The following PPARA variants were observed in gnomAD, a reference collection of about 807,000 sequenced individuals.
PPARA encodes peroxisome proliferator activated receptor alpha.
In PPARA, 22 loss-of-function variants were observed where a neutral mutation model predicts 42.2. The ratio of observed to expected loss-of-function variants is 0.52; its 90% confidence interval spans 0.37 to 0.74. The LOEUF is 0.74. PPARA is among the 30% of genes least tolerant of loss of function. The pLI, the probability that PPARA is intolerant of heterozygous loss-of-function variation, is 0.00. For synonymous variants in PPARA, 242 were observed against 239.3 expected (o/e 1.01, Z -0.10); for missense variants, 465 against 608.2 (o/e 0.76, Z 2.48).
rs1274981127 is a variant in PPARA at position 46,156,891 on chromosome 22, C to T, written c.-127+4921C>T. 6.6e-6 allele frequency among the ~76,000 whole-genome samples: 1 copy of T among 152,190 alleles called. No individual in the cohort carries two copies. Among genetic ancestry groups the T allele is most frequent in the African/African-American group, 2.4e-5 (1 of 41,444 alleles). The stretch of plus-strand genomic sequence containing the variant: ...TCTTAGGATTACAGGCGTGAGCCAC[C>T]ACACCCGGCCTCCTGTGTGTTTTGA... On this transcript the variant is annotated intron_variant, in intron 2 of 8. Transcript: ENST00000407236. This position sits in a 1 kb window ranked among gnomAD's most constrained non-coding sequence, Gnocchi z 5.2.
intron 6 of PPARA, 98 bp downstream of exon 6, chr22:46,218,499 C>T (rs1159647459): frequency 1.3e-5 from 20 of 1,559,218 alleles, no homozygotes; most frequent in South Asian, 1.1e-4. Flanking sequence ...TGTGCTTCAA[C>T]ATTTCACACC....
rs1229002876 is a variant in PPARA at position 46,239,772 on chromosome 22, T to C, written c.*4392T>C. The stretch of plus-strand genomic sequence containing the variant: ...ACAGATGCACCAAAGCAAGCCCTGA[T>C]GAAACCGCGACTTCCTAAGGTCTGT... On this transcript the variant is annotated 3_prime_UTR_variant, in exon 9 of 9. Transcript: ENST00000407236. The C allele has an allele frequency of 6.3e-6, 1 of 157,860 alleles. No homozygotes were observed. Among genetic ancestry groups the C allele is most frequent in the African/African-American group, 2.4e-5 (1 of 41,226 alleles). 9.8% of individuals were successfully genotyped at this position (157,860 alleles called of 1,614,324 possible).
chr22:46,186,168 CT>C (rs1930775657), intron 3 of PPARA, among the ~76,000 whole-genome samples: 1 of 151,492 alleles, frequency 6.6e-6, no homozygotes, highest in Admixed American at 6.6e-5. Flanking sequence ...GCAGTGTAGA[CT>C]TACATTCATA....
rs1194947621 is a variant in PPARA at position 46,162,197 on chromosome 22, C to T, written c.-127+10227C>T. On this transcript the variant is annotated intron_variant, in intron 2 of 8. Coordinates refer to ENST00000407236, the MANE Select transcript of PPARA (RefSeq NM_005036.6). The surrounding 1 kb of genome is among the most constrained non-coding windows in gnomAD (Gnocchi z 6.0). ...ACAAGAGGGGTGCATGCTAGGGTTT[C>T]TCTGGATTGCTGCACCTGGCAGGTA... 6.6e-6 allele frequency among the ~76,000 whole-genome samples: 1 copy of T among 152,208 alleles called. No individual in the cohort carries two copies. Among genetic ancestry groups the T allele is most frequent in the East Asian group, 1.9e-4 (1 of 5,196 alleles).
intron 1 of PPARA, among the ~76,000 whole-genome samples, chr22:46,151,469 G>T (rs781485239): frequency 6.6e-6 from 1 of 152,256 alleles, no homozygotes; most frequent in Non-Finnish European, 1.5e-5. Flanking sequence ...AGGAGGGTCG[G>T]CCCTGCCCCC....
rs149321973 is a variant in PPARA at position 46,183,592 on chromosome 22, A to G, written c.-43+6756A>G. 8.3e-4 allele frequency among the ~76,000 whole-genome samples: 127 copies of G among 152,204 alleles called. 1 individual carries two copies. Among genetic ancestry groups the G allele is most frequent in the African/African-American group, 3.0e-3 (124 of 41,530 alleles). The stretch of plus-strand genomic sequence containing the variant: ...CCCTGTCTATACAAAAAATAGAAAA[A>G]TTAGCCAGGCATGGTGGCATGTGCC... On this transcript the variant is annotated intron_variant, in intron 3 of 8. Transcript: ENST00000407236. The surrounding 1 kb of genome is among the most constrained non-coding windows in gnomAD (Gnocchi z 5.5).
At chr22:46,215,706 C>T (rs1261047647) in intron 5 of PPARA, among the ~76,000 whole-genome samples, 5 of 151,580 alleles carry the variant, frequency 3.3e-5, no homozygotes, top group Non-Finnish European at 7.4e-5. Flanking sequence ...TGCGCCACTG[C>T]ACTCCAGCCT....
chr22:46,206,023 C>T (rs1240472671), intron 4 of PPARA, among the ~76,000 whole-genome samples: 1 of 152,064 alleles, frequency 6.6e-6, no homozygotes, highest in East Asian at 1.9e-4. Flanking sequence ...AATTTGTTCT[C>T]TTTGGTACAT....
Position 46,165,300 on chromosome 22 carries a change from G to A in PPARA, c.-126-11453G>A, listed in dbSNP as rs921286819. ...ATCCGCCTGCCCTTGGCCTCCCAAA[G>A]TGCTGGGATTACAGGTGTGAGCCAC... On this transcript the variant is annotated intron_variant, in intron 2 of 8. Coordinates refer to ENST00000407236, the MANE Select transcript of PPARA (RefSeq NM_005036.6). The surrounding 1 kb of genome is among the most constrained non-coding windows in gnomAD (Gnocchi z 5.5). 6.6e-6 allele frequency: 1 copy of A among 152,342 alleles called. No homozygotes were observed. The highest frequency in any genetic ancestry group is 2.4e-5 in the African/African-American group (1 of 41,458). The allele number at this position is 152,342 out of a possible 1,614,324, so 9.4% of individuals were successfully genotyped here.
Position 46,162,992 on chromosome 22 carries a change from A to G in PPARA, c.-127+11022A>G, listed in dbSNP as rs9306498. Among the ~76,000 whole-genome samples the G allele has an allele frequency of 0.085, 13,013 of 152,310 alleles. 1,801 individuals carry two copies. Among genetic ancestry groups the G allele is most frequent in the African/African-American group, 0.29 (11,948 of 41,542 alleles). ...TGTCCTGCTGTGGAAAACAGCAGGC[A>G]TGATTCCCTGCCACTACCAACCACT... is the stretch of plus-strand genomic sequence containing the variant. On this transcript the variant is annotated intron_variant, in intron 2 of 8. Coordinates refer to ENST00000407236, the MANE Select transcript of PPARA (RefSeq NM_005036.6). The surrounding 1 kb of genome is among the most constrained non-coding windows in gnomAD (Gnocchi z 6.0).
chr22:46,242,701 A>C lies in PPARA; in HGVS notation c.*7321A>C, dbSNP rs1308114285. ...AACACAAAGGAAGCTGAAATCAAAC[A>C]TCTAAAATACACTGCGTACACGTGT... On this transcript the variant is annotated 3_prime_UTR_variant, in exon 9 of 9. Transcript: ENST00000407236. The surrounding 1 kb of genome is among the most constrained non-coding windows in gnomAD (Gnocchi z 6.1). 6.6e-6 allele frequency: 1 copy of C among 151,850 alleles called. No homozygotes were observed. The highest frequency in any genetic ancestry group is 1.5e-5 in the Non-Finnish European group (1 of 68,018). 9.4% of individuals were successfully genotyped at this position (151,850 alleles called of 1,614,324 possible).
At chr22:46,169,077 G>A (rs1302430725) in intron 2 of PPARA, among the ~76,000 whole-genome samples, 1 of 151,838 alleles carries the variant, frequency 6.6e-6, no homozygotes, top group Non-Finnish European at 1.5e-5. Flanking sequence ...GTTTAGGGCA[G>A]TGAAACTATT....
rs1384037936 is a variant in PPARA at position 46,160,203 on chromosome 22, C to G, written c.-127+8233C>G. Among the ~76,000 whole-genome samples, 3 of 152,196 alleles carry G rather than the reference C, an allele frequency of 2.0e-5. No individual in the cohort carries two copies. Among genetic ancestry groups the G allele is most frequent in the Admixed American group, 1.3e-4 (2 of 15,272 alleles). On this transcript the variant is annotated intron_variant, in intron 2 of 8. Transcript: ENST00000407236. This position sits in a 1 kb window ranked among gnomAD's most constrained non-coding sequence, Gnocchi z 4.5. ...GTAAGTGGAAGCTTTCAATTCAGAGCAGTAGCAATGCCTTCAAAGTCCCAG... is the reference window on the plus strand; with the variant it reads ...GTAAGTGGAAGCTTTCAATTCAGAGGAGTAGCAATGCCTTCAAAGTCCCAG...
rs1024447238 is a variant in PPARA at position 46,183,282 on chromosome 22, T to C, written c.-43+6446T>C. Among the ~76,000 whole-genome samples, 1 of 152,248 alleles carries C rather than the reference T, an allele frequency of 6.6e-6. No individual in the cohort carries two copies. Among genetic ancestry groups the C allele is most frequent in the African/African-American group, 2.4e-5 (1 of 41,466 alleles). The stretch of plus-strand genomic sequence containing the variant: ...TCCTCACATTGCAATTTGTCATTAG[T>C]TTAAACTTCCAGTCTTTGTTTTAAA... On this transcript the variant is annotated intron_variant, in intron 3 of 8. Coordinates refer to ENST00000407236, the MANE Select transcript of PPARA (RefSeq NM_005036.6). The surrounding 1 kb of genome is among the most constrained non-coding windows in gnomAD (Gnocchi z 5.5).
chr22:46,194,216 T>A (rs1931925259), intron 3 of PPARA, among the ~76,000 whole-genome samples: 1 of 152,202 alleles, frequency 6.6e-6, no homozygotes, highest in Non-Finnish European at 1.5e-5. Context: ...ATACAGCCAG[T>A]CCCTCTGGCC....
rs1027579698 is a variant in PPARA, at chr22:46,221,086, T to A, written c.711+1072T>A. Among the ~76,000 whole-genome samples the A allele has an allele frequency of 2.0e-5, 3 of 152,174 alleles. No homozygotes were observed. Among genetic ancestry groups the A allele is most frequent in the Non-Finnish European group, 2.9e-5 (2 of 68,046 alleles). ...CAAGGCTGTACAGGAAGCTTCTGCT[T>A]CTGGGGAGGCCTCAGGGAATTTGAC... On this transcript the variant is annotated intron_variant, in intron 7 of 8. Transcript: ENST00000407236. The surrounding 1 kb of genome is among the most constrained non-coding windows in gnomAD (Gnocchi z 5.9).
rs368914952 is a variant in PPARA, at chr22:46,227,354, C to T, written c.712-4438C>T. Among the ~76,000 whole-genome samples, 6 of 152,100 alleles carry T rather than the reference C, an allele frequency of 3.9e-5. No homozygotes were observed. The highest frequency in any genetic ancestry group is 1.9e-4 in the East Asian group (1 of 5,202). On this transcript the variant is annotated intron_variant, in intron 7 of 8. Coordinates refer to ENST00000407236, the MANE Select transcript of PPARA (RefSeq NM_005036.6). This position sits in a 1 kb window ranked among gnomAD's most constrained non-coding sequence, Gnocchi z 4.3. ...GCAACCTCCCCCTCCTGGGTTCAAG[C>T]GATTCTCCTGCCTCAGCCTCCTAAG...
intron 2 of PPARA, among the ~76,000 whole-genome samples, chr22:46,172,101 C>A (rs1254037704): frequency 6.6e-6 from 1 of 152,046 alleles, no homozygotes; most frequent in Non-Finnish European, 1.5e-5. Context: ...GGTTTCCCTA[C>A]CTGTGAATCT....
At chr22:46,177,004 AT>A (rs1929186601) in intron 3 of PPARA, among the ~76,000 whole-genome samples, 168 bp downstream of exon 3, 1 of 152,146 alleles carries the variant, frequency 6.6e-6, no homozygotes, top group South Asian at 2.1e-4. Context: ...AGGTTAGGAG[AT>A]TGAGACCATC....
Sources: gnomAD v4.1 joint callset for allele counts (sites outside exome capture counted in the v4.1 genomes callset) on GRCh38, gnomAD v4.1.1 for gene constraint, Gnocchi (gnomAD v3.1) non-coding constraint, MANE v1.5 for transcripts, NCBI Gene and HGNC (gene_info 2026-07-23, HGNC 2026-07-21) for gene names.